BIN3: variants seen among roughly 807,000 people sequenced by gnomAD.
BIN3 encodes the protein bridging integrator 3.
In BIN3, 41 loss-of-function variants were observed where a neutral mutation model predicts 38.2. The ratio of observed to expected loss-of-function variants is 1.07; its 90% CI spans 0.84 to 1.39. The LOEUF (loss-of-function observed/expected upper bound fraction) is 1.39, where lower values mean the gene tolerates loss of function less well. Among genes scored for constraint, BIN3 ranks in the 40% most tolerant of loss-of-function variants. The pLI is 0.00. For missense variants in BIN3, 361 were observed against 324.3 expected, an observed-to-expected ratio of 1.11 and a Z score of -0.87; for synonymous variants, 145 against 122.6, an observed-to-expected ratio of 1.18 and a Z score of -1.21.
chr8:22,649,858 C>CACACACACACACACA (rs199571834), intron 1 of BIN3, among the ~76,000 whole-genome samples: 1 of 108,494 alleles, frequency 9.2e-6, no homozygotes, highest in African/African-American at 5.5e-5. Flanking sequence ...CACACACACA[C>CACACACACACACACA]CCCCAAAGGA....
intron 1 of BIN3, among the ~76,000 whole-genome samples, chr8:22,662,084 C>A (rs144747621): frequency 3.3e-4 from 50 of 152,362 alleles, no homozygotes; most frequent in African/African-American, 1.2e-3. Context: ...CGTGAGCCAA[C>A]ACGCCCGGCC....
chr8:22,630,689 C>A (rs1319394556), intron 4 of BIN3, 111 bp from the exon 5 acceptor site: 32 of 1,276,830 alleles, frequency 2.5e-5, no homozygotes, highest in Non-Finnish European at 3.3e-5. Context: ...AGACCTCTTC[C>A]CACAGCCACG....
intron 1 of BIN3, among the ~76,000 whole-genome samples, chr8:22,646,894 G>C (rs1038325875): frequency 6.8e-6 from 1 of 147,592 alleles, no homozygotes. Flanking sequence ...TGCAAATGAG[G>C]TCCTGGTGGC....
At chr8:22,664,339 T>A (rs1199924795) in intron 1 of BIN3, among the ~76,000 whole-genome samples, 2 of 152,224 alleles carry the variant, frequency 1.3e-5, no homozygotes, top group African/African-American at 4.8e-5. Flanking sequence ...ACATACAGAA[T>A]CTCACAGACA....
intron 1 of BIN3, among the ~76,000 whole-genome samples, chr8:22,650,736 T>G (rs1802864996): frequency 6.6e-6 from 1 of 152,224 alleles, no homozygotes; most frequent in Non-Finnish European, 1.5e-5. Context: ...CTGCTACCTC[T>G]AGATCGTTAG....
At chr8:22,632,554 A>G (rs1802240277) in intron 4 of BIN3, among the ~76,000 whole-genome samples, 2 of 152,222 alleles carry the variant, frequency 1.3e-5, no homozygotes. Flanking sequence ...TTGATTATGA[A>G]ATGATCACAT....
chr8:22,649,293 C>T (rs1011823976), intron 1 of BIN3, among the ~76,000 whole-genome samples: 1 of 152,216 alleles, frequency 6.6e-6, no homozygotes, highest in African/African-American at 2.4e-5. Flanking sequence ...AAACTTCTCA[C>T]CTTCTTCTAA....
intron 4 of BIN3, among the ~76,000 whole-genome samples, chr8:22,633,107 G>A (rs1802259451): frequency 6.6e-6 from 1 of 152,156 alleles, no homozygotes; most frequent in Non-Finnish European, 1.5e-5. Flanking sequence ...AACTGGGTCT[G>A]GAATCCCCGC....
chr8:22,648,585 C>T (rs13264187), intron 1 of BIN3, among the ~76,000 whole-genome samples: 37,144 of 152,038 alleles, frequency 0.24, 5,513 homozygotes, highest in South Asian at 0.37. Flanking sequence ...CCAGGGTCCA[C>T]GATGTCAACA....
Position 22,621,460 on chromosome 8 carries a change from T to C in BIN3, c.724A>G (p.Ser242Gly), listed in dbSNP as rs368026258. The C allele has an allele frequency of 7.4e-6, 12 of 1,613,844 alleles. No individual in the cohort carries two copies. The African/African-American group carries it at 1.1e-4, about 14-fold the overall frequency. The change falls in exon 9 of 9, where the codon AGT (serine) becomes GGT (glycine). Residue 242 changes from serine to glycine, a missense_variant. By Grantham distance (56) the Ser-to-Gly change is moderately conservative. Coordinates refer to ENST00000276416, the MANE Select transcript of BIN3 (RefSeq NM_018688.6). Reference protein sequence around the residue: ...QRERENEAKLSELRALSIVAD... With the variant: ...QRERENEAKLGELRALSIVAD... ...ACAATGGAGAGGGCCCGGAGCTCAC[T>C]GAGTTTGGCCTCGTTCTCCCGCTCC...
intron 1 of BIN3, among the ~76,000 whole-genome samples, chr8:22,667,674 C>T (rs1193102967): frequency 4.6e-5 from 7 of 152,192 alleles, no homozygotes; most frequent in Non-Finnish European, 1.0e-4. Context: ...AAGGCTCCAG[C>T]CCCTTATTGG....
chr8:22,631,529 T>G (rs1802202882), intron 4 of BIN3, among the ~76,000 whole-genome samples: 1 of 152,184 alleles, frequency 6.6e-6, no homozygotes, highest in African/African-American at 2.4e-5. Context: ...GGAGGCAGAT[T>G]AGGCGCAAAA....
intron 4 of BIN3, among the ~76,000 whole-genome samples, chr8:22,635,268 A>G (rs184727826): frequency 2.0e-5 from 3 of 152,280 alleles, no homozygotes; most frequent in Admixed American, 6.5e-5. Flanking sequence ...ACGTGTCATT[A>G]TATACCGATC....
intron 6 of BIN3, among the ~76,000 whole-genome samples, chr8:22,627,283 G>GCGCAA (rs570837461): frequency 1.3e-5 from 2 of 152,176 alleles, no homozygotes; most frequent in Non-Finnish European, 2.9e-5. Flanking sequence ...TCAGGGCAGG[G>GCGCAA]CGCAGCTTGT....
chr8:22,625,350 C>A lies in BIN3; in HGVS notation c.339-987G>T, dbSNP rs1177309059. The stretch of plus-strand genomic sequence containing the variant: ...AGTGTCCAGGATCAGGCTGCGCAGC[C>A]CAGGGAGCTCATGACTCTGTGGCCA... On this transcript the variant is annotated intron_variant, in intron 6 of 8. Coordinates refer to ENST00000276416, the MANE Select transcript of BIN3 (RefSeq NM_018688.6). The A allele has an allele frequency of 7.1e-6, 5 of 702,426 alleles. No homozygotes were observed. The South Asian group carries it at 7.4e-5, about 10-fold the overall frequency. 43.5% of individuals were successfully genotyped at this position (702,426 alleles called of 1,614,324 possible).
chr8:22,626,192 G>A lies in BIN3; in HGVS notation c.339-1829C>T, dbSNP rs573837639. The stretch of plus-strand genomic sequence containing the variant: ...AATCAAACCAGCATCTGACCGACTT[G>A]CCGGGCAGAAGCCATGGGCCTCCCA... On this transcript the variant is annotated intron_variant, in intron 6 of 8. Transcript: ENST00000276416. The A allele has an allele frequency of 5.2e-5, 8 of 152,472 alleles. No homozygotes were observed. The East Asian group carries it at 7.7e-4, about 15-fold the overall frequency. The allele number at this position is 152,472 out of a possible 1,614,324, so 9.4% of individuals were successfully genotyped here. A position where few individuals can be genotyped will look rare whatever the true frequency, so the allele number is the denominator to read the frequency against.
At chr8:22,664,373 G>A (rs939747371) in intron 1 of BIN3, among the ~76,000 whole-genome samples, 14 of 152,208 alleles carry the variant, frequency 9.2e-5, no homozygotes, top group African/African-American at 3.1e-4. Context: ...CTGTCTTCAA[G>A]GCATTACTAT....
At chr8:22,647,535 T>C (rs987439004) in intron 1 of BIN3, among the ~76,000 whole-genome samples, 1 of 152,182 alleles carries the variant, frequency 6.6e-6, no homozygotes, top group East Asian at 1.9e-4. Context: ...TTCACATGAA[T>C]TTGTTATAAG....
At chr8:22,626,814 C>A (rs1802021552) in intron 6 of BIN3, among the ~76,000 whole-genome samples, 1 of 152,314 alleles carries the variant, frequency 6.6e-6, no homozygotes, top group South Asian at 2.1e-4. Context: ...CCTGACCCCC[C>A]AACATCCCCT....
Sources: allele counts gnomAD v4.1 joint callset (sites outside exome capture counted in the v4.1 genomes callset), GRCh38; gene constraint gnomAD v4.1.1; transcripts MANE v1.5; gene names NCBI Gene and HGNC (gene_info 2026-07-23, HGNC 2026-07-21).